The following OAS2 variants were observed in gnomAD, a reference collection of about 807,000 sequenced individuals.
OAS2 encodes 2'-5'-oligoadenylate synthase 2.
OAS2 carries 67 observed loss-of-function variants against 71.3 expected under a neutral mutation model. The ratio of observed to expected loss-of-function variants is 0.94; its 90% CI spans 0.77 to 1.15. The LOEUF (loss-of-function observed/expected upper bound fraction) is 1.15. Among genes scored for constraint, OAS2 ranks in the 50% most tolerant of loss-of-function variants. OAS2 has a pLI of 0.00. For missense variants in OAS2, 789 were observed against 822.5 expected (o/e 0.96, Z 0.50); for synonymous variants, 327 against 321.8 (o/e 1.02, Z -0.17).
chr12:113,005,231 C>G lies in OAS2; in HGVS notation c.1468+9C>G. The G allele has an allele frequency of 6.2e-7, 1 of 1,605,492 alleles. No homozygotes were observed. Among genetic ancestry groups the G allele is most frequent in the Non-Finnish European group, 8.5e-7 (1 of 1,174,504 alleles). On this transcript the variant is annotated intron_variant, in intron 7 of 9. Coordinates refer to ENST00000392583, the MANE Select transcript of OAS2 (RefSeq NM_002535.3). Reference sequence around the variant, plus strand: ...TGCCTTTAATGCACTGGGTAAGGCTCCCCAGACCTTAGCTTGGAAGTGATG... The same window carrying G: ...TGCCTTTAATGCACTGGGTAAGGCTGCCCAGACCTTAGCTTGGAAGTGATG...
intron 5 of OAS2, among the ~76,000 whole-genome samples, chr12:112,999,149 G>A (rs756056888): frequency 2.0e-5 from 3 of 152,204 alleles, no homozygotes; most frequent in Non-Finnish European, 2.9e-5. Context: ...TCTGAGCTCC[G>A]TTCAGGCAGG....
chr12:113,002,882 G>A, intron 5 of OAS2, 50 bp from the exon 6 acceptor site: 1 of 1,570,870 alleles, frequency 6.4e-7, no homozygotes, highest in East Asian at 2.2e-5. Flanking sequence ...AGAAGCCTTG[G>A]GTGGGCTTAC....
Position 112,997,701 on chromosome 12 carries a change from A to T in OAS2, c.809A>T (p.Asn270Ile). 4 of 1,612,970 alleles carry T rather than the reference A, an allele frequency of 2.5e-6. No individual in the cohort carries two copies. The highest frequency in any genetic ancestry group is 3.4e-6 in the Non-Finnish European group (4 of 1,179,334). The change falls in exon 4 of 10, where the codon AAC becomes ATC. Residue 270 changes from asparagine to isoleucine, a missense_variant. Coordinates refer to ENST00000392583, the MANE Select transcript of OAS2 (RefSeq NM_002535.3). ...KLCIYWMVNY[N>I]FEDETIRNIL... ...TGTATCTATTGGATGGTCAACTACA[A>T]CTTTGAAGATGAGACCATCAGGAAC...
chr12:112,984,324 C>T (rs182536219), intron 1 of OAS2, among the ~76,000 whole-genome samples: 1 of 151,996 alleles, frequency 6.6e-6, no homozygotes, highest in African/African-American at 2.4e-5. Flanking sequence ...ATAAAATGAC[C>T]TTCTTTGTCT....
At chr12:112,982,606 T>A (rs2044094203) in intron 1 of OAS2, among the ~76,000 whole-genome samples, 1 of 152,248 alleles carries the variant, frequency 6.6e-6, no homozygotes, top group South Asian at 2.1e-4. Context: ...TGTATCTATG[T>A]TCATCAGGGA....
intron 2 of OAS2, 195 bp downstream of exon 2, chr12:112,987,503 CTGA>C: frequency 7.0e-7 from 1 of 1,427,740 alleles, no homozygotes; most frequent in South Asian, 1.7e-5. Flanking sequence ...CCCCCATACC[CTGA>C]TTGTCTTTGG....
At chr12:112,979,085 T>C (rs1275890715) in intron 1 of OAS2, among the ~76,000 whole-genome samples, 4 of 152,212 alleles carry the variant, frequency 2.6e-5, no homozygotes. Context: ...CTGGCAGTGC[T>C]CAGTGAATTC....
At chr12:112,996,270 C>T (rs1447331230) in intron 3 of OAS2, among the ~76,000 whole-genome samples, 1 of 152,064 alleles carries the variant, frequency 6.6e-6, no homozygotes, top group East Asian at 1.9e-4. Context: ...TGGGTATTTC[C>T]CTACATGTCT....
At chr12:112,985,003 G>T (rs983178113) in intron 1 of OAS2, among the ~76,000 whole-genome samples, 4 of 152,036 alleles carry the variant, frequency 2.6e-5, no homozygotes, top group African/African-American at 9.7e-5. Flanking sequence ...TAAGTTTTCT[G>T]CTCAGAAATC....
Position 113,010,445 on chromosome 12 carries a change from C to G in OAS2, c.*1190C>G, listed in dbSNP as rs1465402121. The G allele has an allele frequency of 6.2e-7, 1 of 1,613,874 alleles. No homozygotes were observed. The highest frequency in any genetic ancestry group is 8.5e-7 in the Non-Finnish European group (1 of 1,179,902). ...TCAATGAGATGTTCTCATCCAGAAGCCATAGAATCCTGAATAATAATTCTA... is the reference window on the plus strand; with the variant it reads ...TCAATGAGATGTTCTCATCCAGAAGGCATAGAATCCTGAATAATAATTCTA... On this transcript the variant is annotated 3_prime_UTR_variant, in exon 10 of 10. Coordinates refer to ENST00000392583, the MANE Select transcript of OAS2 (RefSeq NM_002535.3).
chr12:113,008,126 T>C (rs1229104252), intron 9 of OAS2, among the ~76,000 whole-genome samples, 183 bp downstream of exon 9: 1 of 152,056 alleles, frequency 6.6e-6, no homozygotes, highest in Non-Finnish European at 1.5e-5. Context: ...AAAATGCTGT[T>C]CAGAAAAAAT....
chr12:112,978,704 A>T lies in OAS2; in HGVS notation c.96A>T (p.Thr32=). 6.2e-7 allele frequency: 1 copy of T among 1,614,136 alleles called. No homozygotes were observed. Among genetic ancestry groups the T allele is most frequent in the Non-Finnish European group, 8.5e-7 (1 of 1,180,012 alleles). ...TGAAGCCCTACGAAGAATGTCAGAC[A>T]CTGATCGACGAGATGGTGAACACCA... ...EYLKPYEECQ[T]LIDEMVNTIC... is the part of the protein sequence containing the mutation. The change falls in exon 1 of 10, where the codon ACA becomes ACT. Residue 32 remains threonine, a synonymous_variant. Coordinates refer to ENST00000392583, the MANE Select transcript of OAS2 (RefSeq NM_002535.3). This position sits in a 1 kb window ranked among gnomAD's most constrained non-coding sequence, Gnocchi z 4.2.
Position 113,010,049 on chromosome 12 carries a change from G to A in OAS2, c.*794G>A. The A allele has an allele frequency of 2.0e-6, 2 of 1,008,680 alleles. No homozygotes were observed. The highest frequency in any genetic ancestry group is 2.4e-6 in the Non-Finnish European group (2 of 839,874). The allele number at this position is 1,008,680 out of a possible 1,614,324, so 62.5% of individuals were successfully genotyped here. A position where few individuals can be genotyped will look rare whatever the true frequency, so the allele number is the denominator to read the frequency against. On this transcript the variant is annotated 3_prime_UTR_variant, in exon 10 of 10. Coordinates refer to ENST00000392583, the MANE Select transcript of OAS2 (RefSeq NM_002535.3). ...TGTAGGATGTTGAGCAGCATCTCTG[G>A]CCTGTACCCAGTAGATGCCACCCAG...
At position 113,007,955 on chromosome 12, in the gene OAS2, C is replaced by A. The variant is rs2044349479; in HGVS notation, c.1895+12C>A. 10 of 1,585,888 alleles carry A rather than the reference C, an allele frequency of 6.3e-6. No homozygotes were observed. Among genetic ancestry groups the A allele is most frequent in the South Asian group, 2.2e-5 (2 of 90,448 alleles). ...TTGCAGAAAACCAGGTGCCTTCACC[C>A]TAGCCCCGTACTTTTCTTAACCTGA... is the stretch of plus-strand genomic sequence containing the variant. On this transcript the variant is annotated intron_variant, in intron 9 of 9. Coordinates refer to ENST00000392583, the MANE Select transcript of OAS2 (RefSeq NM_002535.3).
intron 6 of OAS2, 136 bp downstream of exon 6, chr12:113,003,238 G>C: frequency 1.1e-6 from 1 of 897,864 alleles, no homozygotes; most frequent in Non-Finnish European, 1.7e-6. Flanking sequence ...CAGGAGTTAA[G>C]GGAACTAGGA....
Position 113,005,072 on chromosome 12 carries a change from A to G in OAS2, c.1318A>G (p.Lys440Glu), listed in dbSNP as rs144830420. The change falls in exon 7 of 10, where the codon AAA (lysine) becomes GAA (glutamate). Residue 440 changes from lysine to glutamate, a missense_variant. Coordinates refer to ENST00000392583, the MANE Select transcript of OAS2 (RefSeq NM_002535.3). ...CGTCAAGGAAATCCATGAACAGCTG[A>G]AAGCCTTTTGGAGGGAGAAGGAGGA... ...KIVKEIHEQL[K>E]AFWREKEEEL... is the part of the protein sequence containing the mutation. The G allele has an allele frequency of 1.9e-6, 3 of 1,614,038 alleles. No homozygotes were observed. Among genetic ancestry groups the G allele is most frequent in the Admixed American group, 1.7e-5 (1 of 60,002 alleles).
At position 112,998,381 on chromosome 12, in the gene OAS2, GA is replaced by G; in HGVS notation, c.980del (p.Glu327GlyfsTer37). On this transcript the variant is annotated frameshift_variant, in exon 5 of 10. Transcript: ENST00000392583. LOFTEE classifies it high-confidence loss of function. Reference sequence around the variant, plus strand: ...GTTGACTTCTCCCAACCTGGATAATGAGTTACCTGCACCATCTTGGAATGTT... The same window carrying G: ...GTTGACTTCTCCCAACCTGGATAATGGTTACCTGCACCATCTTGGAATGTT... The part of the protein sequence containing the change: ...TWLTSPNLDN[E>X]LPAPSWNVLP... The G allele has an allele frequency of 6.2e-7, 1 of 1,611,616 alleles. No individual in the cohort carries two copies.
intron 5 of OAS2, among the ~76,000 whole-genome samples, chr12:113,000,989 C>T (rs115207832): frequency 6.6e-6 from 1 of 152,170 alleles, no homozygotes; most frequent in Non-Finnish European, 1.5e-5. Flanking sequence ...TTGTATAGAA[C>T]AGTAATTACT....
intron 2 of OAS2, among the ~76,000 whole-genome samples, chr12:112,994,367 A>G (rs2044217912): frequency 6.6e-6 from 1 of 152,248 alleles, no homozygotes. Context: ...AGCAGGACCT[A>G]GACTGAACCC....
Sources: gnomAD v4.1 joint callset for allele counts (sites outside exome capture counted in the v4.1 genomes callset) on GRCh38, gnomAD v4.1.1 for gene constraint, Gnocchi (gnomAD v3.1) non-coding constraint, MANE v1.5 for transcripts, NCBI Gene and HGNC (gene_info 2026-07-23, HGNC 2026-07-21) for gene names.